KCNAB2: variants seen among roughly 807,000 people sequenced by gnomAD.
The protein encoded by KCNAB2 is potassium voltage-gated channel subfamily A regulatory beta subunit 2.
Under a neutral mutation model 63.6 loss-of-function variants are expected in KCNAB2, and 29 were observed. That is an observed-to-expected ratio of 0.46 (90% CI 0.34 to 0.62). The LOEUF (loss-of-function observed/expected upper bound fraction) is 0.62. Ranked by LOEUF, KCNAB2 falls within the 20% of genes least tolerant of loss-of-function variation. The pLI, the probability that KCNAB2 is intolerant of heterozygous loss-of-function variation, is 0.01. For synonymous variants in KCNAB2, 222 were observed against 224.2 expected (o/e 0.99, Z 0.09); for missense variants, 359 against 563.9 (o/e 0.64, Z 3.68).
chr1:6,041,784 C>T (rs370171854), upstream of KCNAB2: 3 of 1,561,656 alleles, frequency 1.9e-6, no homozygotes, highest in East Asian at 6.7e-5. Context: ...GACTCTCTCT[C>T]TTCTCTCCCT....
intron 1 of KCNAB2, among the ~76,000 whole-genome samples, chr1:6,004,861 T>G (rs1252337791): frequency 6.6e-6 from 1 of 151,298 alleles, no homozygotes; most frequent in Admixed American, 6.6e-5. Flanking sequence ...CCCTCCAGAG[T>G]CTGGCTGCTT....
At position 5,994,664 on chromosome 1, in the gene KCNAB2, C is replaced by T. The variant is rs1656842472; in HGVS notation, c.-53+1876C>T. Among the ~76,000 whole-genome samples, 1 of 152,092 alleles carries T rather than the reference C, an allele frequency of 6.6e-6. No homozygotes were observed. Among genetic ancestry groups the T allele is most frequent in the South Asian group, 2.1e-4 (1 of 4,832 alleles). On this transcript the variant is annotated intron_variant, in intron 1 of 16. Coordinates refer to the KCNAB2 transcript ENST00000341524. The surrounding 1 kb of genome is among the most constrained non-coding windows in gnomAD (Gnocchi z 5.4). ...TTTCGTGTGTTTCTTGGTTGAGAAC[C>T]GTCTTGGGTCTGGATTTGGAGCCTG...
chr1:6,082,607 C>A (rs910686145), intron 5 of KCNAB2, among the ~76,000 whole-genome samples: 2 of 152,150 alleles, frequency 1.3e-5, no homozygotes, highest in African/African-American at 4.8e-5. Flanking sequence ...CATTTCATGT[C>A]TCACTTGTGC....
chr1:6,045,723 G>T (rs1248667082), upstream of KCNAB2, among the ~76,000 whole-genome samples: 1 of 152,146 alleles, frequency 6.6e-6, no homozygotes, highest in African/African-American at 2.4e-5. The surrounding 1 kb of genome is among the most constrained non-coding windows in gnomAD (Gnocchi z 4.8). Context: ...CAGGCTCTGT[G>T]TCCCGCACTC....
At chr1:6,056,251 G>T (rs575137409) in intron 2 of KCNAB2, among the ~76,000 whole-genome samples, 1 of 152,002 alleles carries the variant, frequency 6.6e-6, no homozygotes, top group African/African-American at 2.4e-5. Context: ...CACCACGTTG[G>T]CCAGGCTGAT....
intron 5 of KCNAB2, among the ~76,000 whole-genome samples, chr1:6,084,588 G>A (rs1664497611): frequency 6.6e-6 from 1 of 152,196 alleles, no homozygotes; most frequent in African/African-American, 2.4e-5. Flanking sequence ...GGCCACAGTG[G>A]GCGGATCACT....
intron 1 of KCNAB2, among the ~76,000 whole-genome samples, chr1:6,015,700 TG>T (rs1333554850): frequency 6.6e-6 from 1 of 152,104 alleles, no homozygotes; most frequent in Non-Finnish European, 1.5e-5. Context: ...ATTGGTTGGT[TG>T]GTTGGTTTTT....
chr1:6,000,656 G>GA (rs59096294), intron 1 of KCNAB2, among the ~76,000 whole-genome samples: 124,985 of 141,800 alleles, frequency 0.88, 55,113 homozygotes, highest in African/African-American at 0.91. Context: ...TCCCAGAAAA[G>GA]AAAAAAAAAA....
At chr1:6,063,388 T>TC (rs1276760245) in intron 2 of KCNAB2, among the ~76,000 whole-genome samples, 4 of 151,506 alleles carry the variant, frequency 2.6e-5, no homozygotes, top group Non-Finnish European at 5.9e-5. Flanking sequence ...TTTTCAAGGT[T>TC]CATCTGTGCC....
At chr1:6,009,742 A>G (rs1658040722) in intron 1 of KCNAB2, among the ~76,000 whole-genome samples, 2 of 152,134 alleles carry the variant, frequency 1.3e-5, no homozygotes, top group African/African-American at 4.8e-5. Context: ...TGCGGTTTCT[A>G]TCGGAGTGCT....
intron 1 of KCNAB2, among the ~76,000 whole-genome samples, chr1:6,048,613 T>C (rs1661134030): frequency 6.6e-6 from 1 of 152,230 alleles, no homozygotes; most frequent in Non-Finnish European, 1.5e-5. Flanking sequence ...AGTAATGTCT[T>C]GAAAGCTAAT....
In KCNAB2 at chr1:6,096,737, C is replaced by T; in HGVS notation, c.1050C>T (p.Thr350=). The change falls in exon 14 of 16, where the codon ACC becomes ACT. Residue 350 remains threonine, a synonymous_variant. Coordinates refer to ENST00000378083, the MANE Select transcript of KCNAB2 (RefSeq NM_001199862.2). The surrounding 1 kb of genome is among the most constrained non-coding windows in gnomAD (Gnocchi z 5.9). ...CCATCGCCGAGCGCCTGGGCTGCACCCTGCCCCAGCTGGCCATAGGTAACG... is the reference window on the plus strand; with the variant it reads ...CCATCGCCGAGCGCCTGGGCTGCACTCTGCCCCAGCTGGCCATAGGTAACG... ...LQAIAERLGC[T]LPQLAIAWCL... The T allele has an allele frequency of 6.3e-7, 1 of 1,587,730 alleles. No individual in the cohort carries two copies. Among genetic ancestry groups the T allele is most frequent in the Non-Finnish European group, 8.6e-7 (1 of 1,167,972 alleles).
intron 4 of KCNAB2, among the ~76,000 whole-genome samples, chr1:6,079,208 C>T (rs375943378): frequency 6.6e-6 from 1 of 152,266 alleles, no homozygotes; most frequent in Admixed American, 6.5e-5. Flanking sequence ...CTCCCCCACC[C>T]ACTCTCTCCT....
Position 6,003,257 on chromosome 1 carries a change from G to A in KCNAB2, c.-53+10469G>A, listed in dbSNP as rs550374667. Among the ~76,000 whole-genome samples, 10 of 152,296 alleles carry A rather than the reference G, an allele frequency of 6.6e-5. No individual in the cohort carries two copies. Among genetic ancestry groups the A allele is most frequent in the African/African-American group, 2.4e-4 (10 of 41,576 alleles). ...GCCTGTGCTACAAGCCCGGGTGGCC[G>A]GAGCCTCCTGCGGGATTCCCCATCC... On this transcript the variant is annotated intron_variant, in intron 1 of 16. Transcript: ENST00000341524. This position sits in a 1 kb window ranked among gnomAD's most constrained non-coding sequence, Gnocchi z 4.1.
intron 1 of KCNAB2, among the ~76,000 whole-genome samples, chr1:6,038,569 C>T (rs893489483): frequency 2.6e-5 from 4 of 152,162 alleles, no homozygotes; most frequent in African/African-American, 9.7e-5. Flanking sequence ...CCTGCCTCGG[C>T]CTCCCGAAGT....
intron 10 of KCNAB2, among the ~76,000 whole-genome samples, chr1:6,092,791 G>A (rs542062615): frequency 2.0e-5 from 3 of 152,366 alleles, no homozygotes; most frequent in Admixed American, 1.3e-4. Context: ...CCACCCCCAG[G>A]AGGGGACAGA....
intron 1 of KCNAB2, among the ~76,000 whole-genome samples, chr1:6,004,992 A>T (rs1458088819): frequency 6.4e-5 from 6 of 93,874 alleles, no homozygotes; most frequent in South Asian, 3.7e-4. Flanking sequence ...GCAGGCAGAG[A>T]TCTGGGAGCT....
rs531059324 is a variant in KCNAB2 at position 6,078,139 on chromosome 1, C to T, written c.301-4056C>T. Among the ~76,000 whole-genome samples, 117 of 152,306 alleles carry T rather than the reference C, an allele frequency of 7.7e-4. No homozygotes were observed. Among genetic ancestry groups the T allele is most frequent in the East Asian group, 3.1e-3 (16 of 5,176 alleles). On this transcript the variant is annotated intron_variant, in intron 4 of 15. Coordinates refer to ENST00000378083, the MANE Select transcript of KCNAB2 (RefSeq NM_001199862.2). This position sits in a 1 kb window ranked among gnomAD's most constrained non-coding sequence, Gnocchi z 4.2. ...CCTTCCCAGCCTCTTCAGCGTCTGG[C>T]GCTGCTGGCCTTCCTTGGCCTGTGC...
intron 1 of KCNAB2, among the ~76,000 whole-genome samples, chr1:6,048,226 A>G (rs1215795987): frequency 1.3e-5 from 2 of 152,238 alleles, no homozygotes; most frequent in African/African-American, 2.4e-5. Context: ...ACCTGTGGTC[A>G]CAAGTTCCTT....
Sources: gnomAD v4.1 joint callset for allele counts (sites outside exome capture counted in the v4.1 genomes callset) on GRCh38, gnomAD v4.1.1 for gene constraint, Gnocchi (gnomAD v3.1) non-coding constraint, MANE v1.5 for transcripts, NCBI Gene and HGNC (gene_info 2026-07-23, HGNC 2026-07-21) for gene names.